The following IGF2R variants were observed in gnomAD, a reference collection of about 807,000 sequenced individuals.
The protein encoded by IGF2R is insulin like growth factor 2 receptor.
In IGF2R, 91 loss-of-function variants were observed where a neutral mutation model predicts 270.6. That is an observed-to-expected ratio of 0.34 (90% CI 0.28 to 0.40). The LOEUF (loss-of-function observed/expected upper bound fraction) is 0.40. IGF2R is among the 10% of genes least tolerant of loss of function. IGF2R has a pLI of 1.00. For missense variants in IGF2R, 2,805 were observed against 3,188.3 expected (o/e 0.88, Z 2.90); for synonymous variants, 1,316 against 1,258.9 (o/e 1.05, Z -0.96).
chr6:160,104,761 G>A lies in IGF2R; in HGVS notation c.7153G>A (p.Gly2385Arg). 1 of 1,614,162 alleles carries A rather than the reference G, an allele frequency of 6.2e-7. No individual in the cohort carries two copies. The highest frequency in any genetic ancestry group is 8.5e-7 in the Non-Finnish European group (1 of 1,180,024). The change falls in exon 48 of 48, where the codon GGG becomes AGG. Residue 2385 changes from glycine to arginine, a missense_variant. Around this residue, in one of 2 missense-constraint regions of IGF2R, gnomAD observed 1,851 missense variants for 2,207.2 expected, o/e 0.84. Transcript: ENST00000356956. The part of the protein sequence containing the change: ...QLPPPRQGKE[G>R]QENGHITTKS... ...GCCTCCTCCACGGCAGGGAAAGGAAGGGCAGGAGAACGGCCATATTACCAC... is the reference window on the plus strand; with the variant it reads ...GCCTCCTCCACGGCAGGGAAAGGAAAGGCAGGAGAACGGCCATATTACCAC...
chr6:159,981,696 C>T (rs889549719), intron 1 of IGF2R, among the ~76,000 whole-genome samples: 2 of 152,184 alleles, frequency 1.3e-5, no homozygotes, highest in African/African-American at 2.4e-5. Context: ...TGTTAGTCAG[C>T]GCTGGGGCAG....
chr6:160,045,943 T>C (rs553917345), intron 14 of IGF2R, 61 bp downstream of exon 14: 2 of 1,417,122 alleles, frequency 1.4e-6, no homozygotes, highest in East Asian at 2.6e-5. Context: ...GGTTTTTTCC[T>C]TAACATTCTG....
intron 22 of IGF2R, among the ~76,000 whole-genome samples, chr6:160,059,495 T>C (rs1562361244): frequency 6.6e-6 from 1 of 152,130 alleles, no homozygotes; most frequent in African/African-American, 2.4e-5. Context: ...ATATATAGGG[T>C]TCTCAATTTC....
chr6:160,029,685 T>G (rs757761635), intron 7 of IGF2R, 30 bp downstream of exon 7: 40 of 1,498,346 alleles, frequency 2.7e-5, no homozygotes, highest in African/African-American at 5.5e-5. Context: ...ATCACTAATG[T>G]GGCGCACAGT....
chr6:159,991,368 C>T (rs773720544), intron 2 of IGF2R, 45 bp downstream of exon 2: 1 of 1,577,304 alleles, frequency 6.3e-7, no homozygotes, highest in Non-Finnish European at 8.6e-7. Context: ...ATATGATTCC[C>T]CAATTTTGCA....
chr6:160,091,429 C>T (rs1019018392), intron 44 of IGF2R, among the ~76,000 whole-genome samples: 3 of 152,122 alleles, frequency 2.0e-5, no homozygotes, highest in Non-Finnish European at 2.9e-5. Context: ...TGCATCTCCA[C>T]GACGGCAGCA....
intron 35 of IGF2R, 140 bp from the exon 36 acceptor site, chr6:160,075,707 T>G: frequency 1.3e-6 from 1 of 763,396 alleles, no homozygotes; most frequent in South Asian, 1.8e-5. Context: ...GGAGTTGGTA[T>G]AAACCCAGTT....
intron 1 of IGF2R, among the ~76,000 whole-genome samples, chr6:159,975,478 C>T (rs1783675306): frequency 2.0e-5 from 3 of 151,864 alleles, no homozygotes; most frequent in Admixed American, 2.0e-4. Context: ...GGGACCCTCA[C>T]TGGGGAGGAT....
At chr6:160,075,214 T>G (rs1413165888) in intron 35 of IGF2R, among the ~76,000 whole-genome samples, 2 of 152,064 alleles carry the variant, frequency 1.3e-5, no homozygotes, top group African/African-American at 4.8e-5. Flanking sequence ...GAGTTTTTTG[T>G]TTTTTTTCTC....
chr6:160,084,050 A>G lies in IGF2R; in HGVS notation c.5934A>G (p.Thr1978=), dbSNP rs777128910. 1.1e-5 allele frequency: 18 copies of G among 1,614,058 alleles called. No individual in the cohort carries two copies. The highest frequency in any genetic ancestry group is 1.5e-5 in the Non-Finnish European group (18 of 1,180,014). The change falls in exon 40 of 48, where the codon ACA becomes ACG. Residue 1978 remains threonine (T), a synonymous_variant. Transcript: ENST00000356956. The surrounding 1 kb of genome is among the most constrained non-coding windows in gnomAD (Gnocchi z 4.6). ...GTGAAGTGCGTGGGTGTGATGTGAC[A>G]TTTGAGTGGAAAACAAAAGTTGTCT... is the stretch of plus-strand genomic sequence containing the variant. ...VFSEVRGCDV[T]FEWKTKVVCP...
At chr6:160,014,161 A>T (rs1174425399) in intron 4 of IGF2R, among the ~76,000 whole-genome samples, 1 of 152,330 alleles carries the variant, frequency 6.6e-6, no homozygotes, top group Non-Finnish European at 1.5e-5. Context: ...TCTTTAAAGC[A>T]TTGTGTAAAT....
intron 23 of IGF2R, 86 bp from the exon 24 acceptor site, chr6:160,061,417 C>T (rs1778435571): frequency 1.6e-6 from 2 of 1,290,128 alleles, no homozygotes; most frequent in Non-Finnish European, 1.1e-6. Context: ...TTCACGCCTC[C>T]TCAGGGCTTA....
At chr6:159,993,985 ATT>A (rs59369382) in intron 2 of IGF2R, among the ~76,000 whole-genome samples, 98 of 61,030 alleles carry the variant, frequency 1.6e-3, no homozygotes, top group African/African-American at 5.4e-3. Flanking sequence ...CTCCAACTTG[ATT>A]TTTTTTTTTT....
intron 4 of IGF2R, among the ~76,000 whole-genome samples, chr6:160,012,764 T>TATATATATATATA (rs538085462): frequency 9.9e-5 from 6 of 60,416 alleles, no homozygotes; most frequent in East Asian, 7.5e-4. Context: ...TATATATATA[T>TATATATATATATA]TTTTTTTTTT....
intron 35 of IGF2R, 33 bp downstream of exon 35, chr6:160,074,008 T>G: frequency 1.3e-6 from 2 of 1,516,434 alleles, no homozygotes; most frequent in Non-Finnish European, 1.8e-6. Flanking sequence ...TGGAGATAAT[T>G]TTTGCAAGAC....
At chr6:160,053,283 A>AG (rs1778239614) in intron 19 of IGF2R, among the ~76,000 whole-genome samples, 1 of 147,420 alleles carries the variant, frequency 6.8e-6, no homozygotes, top group Admixed American at 6.7e-5. Context: ...GCTGGGGGGG[A>AG]GGGATAGCAT....
chr6:160,022,013 A>AAG (rs572732368), intron 4 of IGF2R, among the ~76,000 whole-genome samples: 1 of 142,756 alleles, frequency 7.0e-6, no homozygotes, highest in African/African-American at 2.6e-5. Context: ...CTAGGTAAAG[A>AAG]ACACACACAC....
chr6:160,032,459 A>G (rs2115232827), intron 7 of IGF2R, 92 bp from the exon 8 acceptor site: 4 of 1,170,850 alleles, frequency 3.4e-6, no homozygotes, highest in East Asian at 2.4e-5. Flanking sequence ...AAACCTAACA[A>G]CCTGTCTTTG....
chr6:160,025,567 T>C (rs936608523), intron 5 of IGF2R, among the ~76,000 whole-genome samples: 1 of 151,872 alleles, frequency 6.6e-6, no homozygotes, highest in African/African-American at 2.4e-5. Context: ...CTTTAAATTA[T>C]ATATATACAT....
Sources: allele counts gnomAD v4.1 joint callset (sites outside exome capture counted in the v4.1 genomes callset), GRCh38; gene constraint gnomAD v4.1.1; regional missense constraint gnomAD v4.1.1; non-coding constraint Gnocchi (gnomAD v3.1); transcripts MANE v1.5; gene names NCBI Gene and HGNC (gene_info 2026-07-23, HGNC 2026-07-21).